The following NCKAP5 variants were observed in gnomAD, a reference collection of about 807,000 sequenced individuals.
The protein encoded by NCKAP5 is NCK associated protein 5.
A neutral mutation model predicts 167.0 loss-of-function variants in NCKAP5; 92 were observed. That is an observed-to-expected ratio of 0.55 (90% CI 0.47 to 0.66). The LOEUF (loss-of-function observed/expected upper bound fraction) is 0.66. Ranked by LOEUF, NCKAP5 falls within the 30% of genes least tolerant of loss-of-function variation. The pLI is 0.00. For missense variants in NCKAP5, 2,378 were observed against 2,315.0 expected (o/e 1.03, Z -0.56); for synonymous variants, 891 against 877.4 (o/e 1.02, Z -0.27).
intron 6 of NCKAP5, among the ~76,000 whole-genome samples, chr2:133,058,874 GAT>G (rs1403269510): frequency 6.6e-5 from 10 of 152,190 alleles, no homozygotes; most frequent in Admixed American, 6.5e-4. Flanking sequence ...AGAGTCAACT[GAT>G]ATAGCAAACT....
At chr2:133,093,356 C>G (rs578088615) in intron 6 of NCKAP5, among the ~76,000 whole-genome samples, 20 of 152,122 alleles carry the variant, frequency 1.3e-4, no homozygotes, top group African/African-American at 4.6e-4. Flanking sequence ...TCTTTAGATG[C>G]AAAAAGTCAT....
chr2:133,406,243 ACTTTC>A (rs1264774154), intron 3 of NCKAP5, among the ~76,000 whole-genome samples: 2 of 152,220 alleles, frequency 1.3e-5, no homozygotes, highest in African/African-American at 4.8e-5. Flanking sequence ...GAATAAAGAC[ACTTTC>A]CTTTCATTTA....
chr2:133,270,522 A>AGG (rs2089460843), intron 4 of NCKAP5, among the ~76,000 whole-genome samples: 1 of 152,238 alleles, frequency 6.6e-6, no homozygotes, highest in Non-Finnish European at 1.5e-5. Context: ...GTCTGGAGGC[A>AGG]GAGAACCTAA....
intron 3 of NCKAP5, among the ~76,000 whole-genome samples, chr2:133,500,711 T>A (rs1278576817): frequency 1.4e-4 from 21 of 152,362 alleles, no homozygotes; most frequent in African/African-American, 4.8e-4. Context: ...ATATCTCATT[T>A]TTAGACAGCA....
intron 7 of NCKAP5, among the ~76,000 whole-genome samples, chr2:132,972,761 G>A (rs1310089164): frequency 6.6e-6 from 1 of 151,830 alleles, no homozygotes; most frequent in African/African-American, 2.4e-5. Context: ...TACTTTGGAG[G>A]CTGAGGCAGG....
intron 5 of NCKAP5, among the ~76,000 whole-genome samples, chr2:133,208,053 G>A (rs1482958457): frequency 6.6e-6 from 1 of 152,118 alleles, no homozygotes. Context: ...ACAGTGACAA[G>A]CTGGGCCAGG....
At chr2:133,590,695 A>G in the NCKAP5 span, among the ~76,000 whole-genome samples, 1 of 152,158 alleles carries the variant, frequency 6.6e-6, no homozygotes, top group Admixed American at 6.5e-5. Flanking sequence ...ACTGTCATGC[A>G]TCTTTAAATA....
chr2:132,749,594 C>G (rs1014676371), intron 16 of NCKAP5, among the ~76,000 whole-genome samples: 1 of 152,158 alleles, frequency 6.6e-6, no homozygotes, highest in African/African-American at 2.4e-5. Flanking sequence ...AAGCCGTATC[C>G]CCAGGCCCTT....
At chr2:132,727,554 G>A (rs151269102) in intron 18 of NCKAP5, among the ~76,000 whole-genome samples, 2 of 152,250 alleles carry the variant, frequency 1.3e-5, no homozygotes, top group Admixed American at 1.3e-4. Flanking sequence ...TAGCCCTTCA[G>A]GTGGTTCTGA....
chr2:133,061,834 C>T (rs188677600), intron 6 of NCKAP5, among the ~76,000 whole-genome samples: 105 of 149,432 alleles, frequency 7.0e-4, no homozygotes, highest in African/African-American at 2.5e-3. Context: ...CTATGGCTTC[C>T]CCACCTTAGA....
intron 11 of NCKAP5, among the ~76,000 whole-genome samples, chr2:132,843,565 T>C (rs1688450403): frequency 1.2e-5 from 1 of 86,272 alleles, no homozygotes; most frequent in Non-Finnish European, 2.1e-5. Context: ...CATTCATTTT[T>C]CCCTTTTTTG....
intron 11 of NCKAP5, among the ~76,000 whole-genome samples, chr2:132,811,437 T>TTGC (rs1574298563): frequency 1.3e-5 from 2 of 152,074 alleles, no homozygotes; most frequent in Admixed American, 6.6e-5. Flanking sequence ...TGGGTACATC[T>TTGC]TGCTGCTGCT....
chr2:133,650,743 G>A, the NCKAP5 span, among the ~76,000 whole-genome samples: 4 of 152,164 alleles, frequency 2.6e-5, no homozygotes, highest in East Asian at 1.9e-4. Flanking sequence ...ATAGCCACAC[G>A]TGGTGGTGGG....
chr2:133,275,395 T>A (rs1270429125), intron 4 of NCKAP5, among the ~76,000 whole-genome samples: 4 of 122,914 alleles, frequency 3.3e-5, no homozygotes, highest in Non-Finnish European at 1.9e-5. Flanking sequence ...GGCTCACACA[T>A]ACACACATAC....
chr2:132,860,011 T>G (rs1358285616), intron 11 of NCKAP5, among the ~76,000 whole-genome samples: 1 of 152,028 alleles, frequency 6.6e-6, no homozygotes, highest in African/African-American at 2.4e-5. Context: ...AATACTGAGA[T>G]AGAAACAGGA....
intron 19 of NCKAP5, among the ~76,000 whole-genome samples, chr2:132,724,900 T>A (rs535293976): frequency 2.0e-5 from 3 of 152,228 alleles, no homozygotes; most frequent in African/African-American, 7.2e-5. Flanking sequence ...AAACTTGTTT[T>A]AAAAAAATAA....
chr2:132,712,325 C>T (rs1266783309), intron 19 of NCKAP5, among the ~76,000 whole-genome samples: 2 of 152,154 alleles, frequency 1.3e-5, no homozygotes, highest in Non-Finnish European at 2.9e-5. Context: ...CAGGAAGATA[C>T]TTTGGCTACC....
intron 8 of NCKAP5, among the ~76,000 whole-genome samples, chr2:132,958,732 A>G (rs1199989184): frequency 6.6e-6 from 1 of 151,960 alleles, no homozygotes; most frequent in Non-Finnish European, 1.5e-5. Flanking sequence ...TCCTCTTGCA[A>G]TGTTCTTCCT....
intron 6 of NCKAP5, among the ~76,000 whole-genome samples, chr2:133,078,105 G>T: frequency 6.6e-6 from 1 of 152,178 alleles, no homozygotes; most frequent in Admixed American, 6.5e-5. Context: ...TCCCAGACTA[G>T]GGAGAGTGCT....
Sources: gnomAD v4.1 joint callset for allele counts (sites outside exome capture counted in the v4.1 genomes callset) on GRCh38, gnomAD v4.1.1 for gene constraint, MANE v1.5 for transcripts, NCBI Gene and HGNC (gene_info 2026-07-23, HGNC 2026-07-21) for gene names.